The following NEDD4L variants were observed in gnomAD, a reference collection of about 807,000 sequenced individuals.
NEDD4L encodes the protein NEDD4 like E3 ubiquitin protein ligase.
Under a neutral mutation model 148.9 loss-of-function variants are expected in NEDD4L, and 54 were observed. That is an observed-to-expected ratio of 0.36 (90% CI 0.29 to 0.45). The LOEUF (loss-of-function observed/expected upper bound fraction) is 0.45. Ranked by LOEUF, NEDD4L falls within the 20% of genes least tolerant of loss-of-function variation. The pLI is 1.00. For missense variants in NEDD4L, 856 were observed against 1,233.8 expected (o/e 0.69, Z 4.59); for synonymous variants, 433 against 440.7 (o/e 0.98, Z 0.22).
At chr18:58,347,384 T>C (rs773343641) in intron 16 of NEDD4L, among the ~76,000 whole-genome samples, 4 of 152,094 alleles carry the variant, frequency 2.6e-5, no homozygotes, top group Admixed American at 6.5e-5. Context: ...GGCATGGTCA[T>C]AGGCTAGGTG....
chr18:58,288,631 C>G (rs2054261251), intron 5 of NEDD4L, among the ~76,000 whole-genome samples: 1 of 152,122 alleles, frequency 6.6e-6, no homozygotes, highest in Non-Finnish European at 1.5e-5. Flanking sequence ...TTAATGTTAA[C>G]TTTATTTCCA....
intron 5 of NEDD4L, among the ~76,000 whole-genome samples, chr18:58,304,672 A>G (rs924531325): frequency 6.6e-6 from 1 of 152,254 alleles, no homozygotes; most frequent in African/African-American, 2.4e-5. Flanking sequence ...CTAGATAGAC[A>G]TGGGATTTTA....
intron 25 of NEDD4L, among the ~76,000 whole-genome samples, chr18:58,385,297 G>A (rs556388565): frequency 2.6e-4 from 40 of 152,276 alleles, no homozygotes; most frequent in African/African-American, 9.4e-4. Context: ...CTTGATGTGG[G>A]GGAAGTTAAT....
intron 2 of NEDD4L, among the ~76,000 whole-genome samples, chr18:58,240,252 G>A (rs922624711): frequency 1.3e-5 from 2 of 151,980 alleles, no homozygotes; most frequent in Middle Eastern, 3.2e-3. Flanking sequence ...CCTCCCAAGT[G>A]GTTTTTCTTT....
At chr18:58,223,753 G>A (rs144015729) in intron 2 of NEDD4L, among the ~76,000 whole-genome samples, 63 of 152,276 alleles carry the variant, frequency 4.1e-4, no homozygotes, top group South Asian at 8.3e-4. Context: ...CCTGCCACTC[G>A]CTCACCTTGA....
intron 2 of NEDD4L, among the ~76,000 whole-genome samples, chr18:58,198,794 G>T (rs540331595): frequency 6.6e-6 from 1 of 152,060 alleles, no homozygotes; most frequent in East Asian, 1.9e-4. Flanking sequence ...CTATTTTTTG[G>T]CTTCTTTGTT....
chr18:58,363,251 A>G (rs1296796700), intron 19 of NEDD4L, among the ~76,000 whole-genome samples: 1 of 152,202 alleles, frequency 6.6e-6, no homozygotes, highest in Non-Finnish European at 1.5e-5. Flanking sequence ...TTTCTGGTCA[A>G]GATAAGTATG....
chr18:58,203,697 AT>A (rs11364817), intron 2 of NEDD4L, among the ~76,000 whole-genome samples: 53,598 of 146,198 alleles, frequency 0.37, 10,673 homozygotes, highest in East Asian at 0.61. Context: ...ACATTTTGCA[AT>A]TTTTTTTTTT....
intron 5 of NEDD4L, among the ~76,000 whole-genome samples, chr18:58,276,212 T>TTTGGGGG (rs1555782967): frequency 1.9e-5 from 2 of 103,440 alleles, no homozygotes; most frequent in African/African-American, 7.3e-5. Flanking sequence ...TTTTTTTTTT[T>TTTGGGGG]GGGTGGGGAG....
chr18:58,174,999 C>G (rs1440137184), intron 2 of NEDD4L, among the ~76,000 whole-genome samples: 3 of 152,156 alleles, frequency 2.0e-5, no homozygotes. Flanking sequence ...CATTGAAGTA[C>G]CTTTGCTCAG....
intron 24 of NEDD4L, among the ~76,000 whole-genome samples, chr18:58,381,448 CAA>C (rs1800386784): frequency 6.6e-6 from 1 of 152,270 alleles, no homozygotes; most frequent in Non-Finnish European, 1.5e-5. Context: ...GCTCTGTGAT[CAA>C]AGAGAGAGGG....
intron 1 of NEDD4L, among the ~76,000 whole-genome samples, chr18:58,068,322 C>T (rs1472832545): frequency 1.3e-5 from 2 of 151,954 alleles, no homozygotes; most frequent in Non-Finnish European, 2.9e-5. Flanking sequence ...GCCTCAGCCT[C>T]CTGAGCAGCT....
intron 1 of NEDD4L, among the ~76,000 whole-genome samples, chr18:58,105,187 T>C (rs115281510): frequency 0.015 from 2,254 of 152,268 alleles, 48 homozygotes; most frequent in African/African-American, 0.052. Flanking sequence ...GTCCTAGTTT[T>C]GAGAAATCTG....
At position 58,368,954 on chromosome 18, in the gene NEDD4L, T is replaced by C. The variant is rs2046458103; in HGVS notation, c.2185+1087T>C. Among the ~76,000 whole-genome samples the C allele has an allele frequency of 2.0e-5, 3 of 152,240 alleles. 1 individual carries two copies. The South Asian group carries it at 6.2e-4, about 32-fold the overall frequency. On this transcript the variant is annotated intron_variant, in intron 22 of 30. Transcript: ENST00000400345. ...TAGTCACCGTATGCAAGTGAGAAGA[T>C]GCTGTTAGTTGCTACAGTGTCTTTA...
intron 2 of NEDD4L, chr18:58,195,634 C>T (rs1170697440): frequency 1.1e-5 from 15 of 1,349,720 alleles, no homozygotes; most frequent in Admixed American, 5.7e-5. Context: ...GATTTCTCCT[C>T]GCCGCCGTTG....
chr18:58,086,209 C>T (rs967807861), intron 1 of NEDD4L, among the ~76,000 whole-genome samples: 7 of 152,152 alleles, frequency 4.6e-5, no homozygotes, highest in Admixed American at 2.6e-4. Context: ...GGACACCTTG[C>T]CAGCTAATTT....
intron 1 of NEDD4L, chr18:58,091,443 T>G (rs1255391176): frequency 1.3e-5 from 2 of 152,258 alleles, no homozygotes; most frequent in African/African-American, 2.4e-5. Flanking sequence ...CAAGATGAGA[T>G]GGACTGTGCA....
chr18:58,169,252 G>T (rs540561529), intron 2 of NEDD4L, among the ~76,000 whole-genome samples: 1 of 152,218 alleles, frequency 6.6e-6, no homozygotes, highest in Non-Finnish European at 1.5e-5. Context: ...GAGCAGATTG[G>T]ATAACCGAGC....
chr18:58,298,166 A>G (rs2055934114), intron 5 of NEDD4L, among the ~76,000 whole-genome samples: 1 of 152,192 alleles, frequency 6.6e-6, no homozygotes, highest in Non-Finnish European at 1.5e-5. Flanking sequence ...CGTTTTGGGT[A>G]ATTTAAATTT....
Sources: allele counts gnomAD v4.1 joint callset (sites outside exome capture counted in the v4.1 genomes callset), GRCh38; gene constraint gnomAD v4.1.1; transcripts MANE v1.5; gene names NCBI Gene and HGNC (gene_info 2026-07-23, HGNC 2026-07-21).